LY6G6F: variants seen among roughly 807,000 people sequenced by gnomAD.
LY6G6F encodes the protein lymphocyte antigen 6 family member G6F, also known as lymphocyte antigen 6 complex locus protein G6f.
LY6G6F carries 26 observed loss-of-function variants against 33.0 expected under a neutral mutation model. The ratio of observed to expected loss-of-function variants is 0.79; its 90% CI spans 0.58 to 1.09. The LOEUF (loss-of-function observed/expected upper bound fraction) is 1.09, where lower values mean the gene tolerates loss of function less well. LY6G6F is among the 50% of genes least tolerant of loss of function. The pLI is 0.00. For synonymous variants in LY6G6F, 132 were observed against 148.1 expected, an observed-to-expected ratio of 0.89 and a Z score of 0.79; for missense variants, 317 against 372.0, an observed-to-expected ratio of 0.85 and a Z score of 1.22.
At chr6:31,709,935 C>T in intron 3 of LY6G6F, 91 bp from the exon 4 acceptor site, 2 of 1,337,096 alleles carry the variant, frequency 1.5e-6, no homozygotes, top group South Asian at 2.8e-5. Flanking sequence ...AAGAGCCCAC[C>T]AGACTGTGGA....
Position 31,707,534 on chromosome 6 carries a change from G to T in LY6G6F, c.129G>T (p.Gly43=). The change falls in exon 2 of 6, where the codon GGG becomes GGT. Residue 43 remains glycine (G), a synonymous_variant. Coordinates refer to ENST00000375832, the MANE Select transcript of LY6G6F (RefSeq NM_001003693.3). The surrounding 1 kb of genome is among the most constrained non-coding windows in gnomAD (Gnocchi z 4.1). ...LPCPSPPTLH[G]DEHLSWFCSP... is the part of the protein sequence containing the mutation. ...GTCCCTCACCACCTACTCTACATGG[G>T]GACGAACACCTGTCATGGTTCTGCA... 6.2e-7 allele frequency: 1 copy of T among 1,614,136 alleles called. No homozygotes were observed. Among genetic ancestry groups the T allele is most frequent in the Non-Finnish European group, 8.5e-7 (1 of 1,180,000 alleles).
chr6:31,709,505 G>A (rs1473699821), intron 3 of LY6G6F, among the ~76,000 whole-genome samples: 1 of 151,896 alleles, frequency 6.6e-6, no homozygotes, highest in Non-Finnish European at 1.5e-5. Flanking sequence ...TGATCTGCCC[G>A]CCTTGGTCTC....
chr6:31,708,201 AGGCGCC>A, intron 3 of LY6G6F, 67 bp downstream of exon 3: 1 of 1,494,622 alleles, frequency 6.7e-7, no homozygotes. Context: ...CTGGAATTAC[AGGCGCC>A]CGCCACCATG....
intron 3 of LY6G6F, 52 bp from the exon 4 acceptor site, chr6:31,709,974 C>T (rs1054804097): frequency 6.4e-7 from 1 of 1,562,844 alleles, no homozygotes; most frequent in Admixed American, 1.8e-5. Flanking sequence ...GGCACAGGGA[C>T]AGGGCCCCTC....
At position 31,708,128 on chromosome 6, in the gene LY6G6F, C is replaced by G; in HGVS notation, c.640C>G (p.Leu214Val). The G allele has an allele frequency of 6.5e-7, 1 of 1,539,986 alleles. No homozygotes were observed. The highest frequency in any genetic ancestry group is 8.7e-7 in the Non-Finnish European group (1 of 1,143,142). ...MTHNKGVSFS[L>V]AASIDASPAL... Reference sequence around the variant, plus strand: ...TCACAACAAAGGGGTCAGCTTTAGCCTGGCAGGTAAACTGAGGAAGGAGAC... The same window carrying G: ...TCACAACAAAGGGGTCAGCTTTAGCGTGGCAGGTAAACTGAGGAAGGAGAC... The change falls in exon 3 of 6, where the codon CTG becomes GTG. Residue 214 changes from leucine (L) to valine (V), a missense_variant. By Grantham distance (32) the Leu-to-Val change is conservative. Transcript: ENST00000375832.
rs780044897 is a variant in LY6G6F at position 31,707,604 on chromosome 6, G to C, written c.199G>C (p.Val67Leu). ...SFTTLVAQVQVGRPAPDPGKP... is the reference protein window; with the variant it reads ...SFTTLVAQVQLGRPAPDPGKP... ...CACCACCCTGGTAGCCCAAGTCCAA[G>C]TGGGCAGGCCAGCCCCAGACCCTGG... Residue 67 changes from valine (V) to leucine (L), a missense_variant, in exon 2 of 6, where the codon GTG becomes CTG. Physicochemically the swap from Val to Leu is conservative, Grantham distance 32 (BLOSUM62 1). Transcript: ENST00000375832. This position sits in a 1 kb window ranked among gnomAD's most constrained non-coding sequence, Gnocchi z 4.1. 1 of 1,613,938 alleles carries C rather than the reference G, an allele frequency of 6.2e-7. No homozygotes were observed. The highest frequency in any genetic ancestry group is 8.5e-7 in the Non-Finnish European group (1 of 1,179,910).
At chr6:31,709,914 TCTTCTG>T (rs1395584595) in intron 3 of LY6G6F, 106 bp from the exon 4 acceptor site, 17 of 1,114,368 alleles carry the variant, frequency 1.5e-5, no homozygotes, top group Non-Finnish European at 1.9e-5. Flanking sequence ...GCTTACAAAG[TCTTCTG>T]TTGGAAGAGC....
In LY6G6F at chr6:31,710,223, T is replaced by C. The variant is rs368692013; in HGVS notation, c.802+42T>C. 286 of 1,606,734 alleles carry C rather than the reference T, an allele frequency of 1.8e-4. No homozygotes were observed. Among genetic ancestry groups the C allele is most frequent in the Middle Eastern group, 6.6e-4 (4 of 6,038 alleles). ...CCGGGGAAAGAAGAGGGCACATGGGTGGGAGGCAAAGGGCTAGGCTCACAC... is the reference window on the plus strand; with the variant it reads ...CCGGGGAAAGAAGAGGGCACATGGGCGGGAGGCAAAGGGCTAGGCTCACAC... On this transcript the variant is annotated intron_variant, in intron 4 of 5. Transcript: ENST00000375832. This position sits in a 1 kb window ranked among gnomAD's most constrained non-coding sequence, Gnocchi z 4.7.
Position 31,707,471 on chromosome 6 carries a change from C to A in LY6G6F, c.66C>A (p.Ala22=), listed in dbSNP as rs1805693667. 1 of 1,613,912 alleles carries A rather than the reference C, an allele frequency of 6.2e-7. No individual in the cohort carries two copies. The highest frequency in any genetic ancestry group is 8.5e-7 in the Non-Finnish European group (1 of 1,179,842). The change falls in exon 2 of 6, where the codon GCC becomes GCA. Residue 22 remains alanine, a synonymous_variant. Transcript: ENST00000375832. The surrounding 1 kb of genome is among the most constrained non-coding windows in gnomAD (Gnocchi z 4.1). ...GTPQAADNMQ[A]IYVALGEAVE... ...CTCTTCCCACAGACAACATGCAGGC[C>A]ATCTATGTGGCCTTGGGGGAGGCAG...
chr6:31,709,258 GTT>G (rs777933922), intron 3 of LY6G6F, among the ~76,000 whole-genome samples: 2 of 133,620 alleles, frequency 1.5e-5, no homozygotes, highest in African/African-American at 2.7e-5. Flanking sequence ...GTGTGTGTGT[GTT>G]TTTTTTTGTT....
Position 31,710,085 on chromosome 6 carries a change from A to G in LY6G6F, c.706A>G (p.Ile236Val). The part of the protein sequence containing the change: ...APSTGWDMPW[I>V]LMLLLTMGQG... ...TTCCACGGGCTGGGACATGCCTTGG[A>G]TTCTGATGCTGCTGCTCACAATGGG... The change falls in exon 4 of 6, where the codon ATT becomes GTT. Residue 236 changes from isoleucine (I) to valine (V), a missense_variant. Physicochemically the swap from Ile to Val is conservative, Grantham distance 29. Transcript: ENST00000375832. The surrounding 1 kb of genome is among the most constrained non-coding windows in gnomAD (Gnocchi z 4.7). The G allele has an allele frequency of 6.2e-7, 1 of 1,612,848 alleles. No individual in the cohort carries two copies. The highest frequency in any genetic ancestry group is 8.5e-7 in the Non-Finnish European group (1 of 1,179,976).
In LY6G6F at chr6:31,706,943, A is replaced by G. The variant is rs750142477; in HGVS notation, c.37A>G (p.Thr13Ala). Residue 13 changes from threonine to alanine, a missense_variant, in exon 1 of 6, where the codon ACT becomes GCT. Transcript: ENST00000375832. ...VLFLLLFLCG[T>A]PQAADNMQAI... The stretch of plus-strand genomic sequence containing the variant: ...ATTCCTCCTCCTGTTCCTATGTGGA[A>G]CTCCCCAGGCTGCAGGTAAGGGGCA... 6.2e-7 allele frequency: 1 copy of G among 1,613,106 alleles called. No homozygotes were observed. The highest frequency in any genetic ancestry group is 8.5e-7 in the Non-Finnish European group (1 of 1,179,800).
At position 31,710,355 on chromosome 6, in the gene LY6G6F, C is replaced by A; in HGVS notation, c.806C>A (p.Ala269Asp). 1 of 1,614,030 alleles carries A rather than the reference C, an allele frequency of 6.2e-7. No homozygotes were observed. ...CCTGATGGCTCCTTCTCCCCAGATG[C>A]CTCGATTCCTCAGTTCAAACCCGAA... Reference protein sequence around the residue: ...QRVRGAPGRDASIPQFKPEIQ... With the variant: ...QRVRGAPGRDDSIPQFKPEIQ... Residue 269 changes from alanine (A) to aspartate (D), a missense_variant, in exon 5 of 6, where the codon GCC becomes GAC. Coordinates refer to ENST00000375832, the MANE Select transcript of LY6G6F (RefSeq NM_001003693.3). This position sits in a 1 kb window ranked among gnomAD's most constrained non-coding sequence, Gnocchi z 4.7.
intron 3 of LY6G6F, 34 bp from the exon 4 acceptor site, chr6:31,709,992 C>G (rs759453055): frequency 6.3e-6 from 10 of 1,590,194 alleles, no homozygotes; most frequent in Non-Finnish European, 7.7e-6. Flanking sequence ...CTCACTACCT[C>G]CCTCCCATCC....
rs188167860 is a variant in LY6G6F, at chr6:31,710,215, C to A, written c.802+34C>A. 1,041 of 1,607,568 alleles carry A rather than the reference C, an allele frequency of 6.5e-4. 4 individuals carry two copies. In the African/African-American group the frequency reaches 0.011, roughly 17 times the overall value. On this transcript the variant is annotated intron_variant, in intron 4 of 5. Coordinates refer to ENST00000375832, the MANE Select transcript of LY6G6F (RefSeq NM_001003693.3). This position sits in a 1 kb window ranked among gnomAD's most constrained non-coding sequence, Gnocchi z 4.7. ...CTCCCTCCCCGGGGAAAGAAGAGGG[C>A]ACATGGGTGGGAGGCAAAGGGCTAG...
intron 1 of LY6G6F, 31 bp downstream of exon 1, chr6:31,706,989 C>T (rs745945829): frequency 6.2e-7 from 1 of 1,608,638 alleles, no homozygotes; most frequent in Non-Finnish European, 8.5e-7. Context: ...GATTCCTTAG[C>T]TATTTGCAAG....
chr6:31,709,064 CTTT>C (rs71552074), intron 3 of LY6G6F, among the ~76,000 whole-genome samples: 1 of 52,174 alleles, frequency 1.9e-5, no homozygotes, highest in Non-Finnish European at 3.3e-5. Context: ...CACGCCTGGC[CTTT>C]TTTTTTTTTT....
At chr6:31,709,600 G>A (rs1261146323) in intron 3 of LY6G6F, among the ~76,000 whole-genome samples, 2 of 151,786 alleles carry the variant, frequency 1.3e-5, no homozygotes, top group African/African-American at 4.8e-5. Flanking sequence ...CACCATGTTG[G>A]TCAGGCTGGT....
At position 31,710,026 on chromosome 6, in the gene LY6G6F, C is replaced by G. The variant is rs762766883; in HGVS notation, c.647C>G (p.Ala216Gly). ...HNKGVSFSLA[A>G]SIDASPALCA... ...CCCTCTGGTCTGGCCCTTACTACAG[C>G]CTCCATCGATGCTTCTCCTGCCCTC... The change falls in exon 4 of 6, where the codon GCC becomes GGC. Residue 216 changes from alanine to glycine, a missense_variant and splice_region_variant. Physicochemically the swap from Ala to Gly is moderately conservative, Grantham distance 60. Transcript: ENST00000375832. This position sits in a 1 kb window ranked among gnomAD's most constrained non-coding sequence, Gnocchi z 4.7. The G allele has an allele frequency of 2.5e-6, 4 of 1,611,230 alleles. No individual in the cohort carries two copies. The South Asian group carries it at 4.4e-5, about 18-fold the overall frequency.
Sources: gnomAD v4.1 joint callset for allele counts (sites outside exome capture counted in the v4.1 genomes callset) on GRCh38, gnomAD v4.1.1 for gene constraint, Gnocchi (gnomAD v3.1) non-coding constraint, MANE v1.5 for transcripts, NCBI Gene and HGNC (gene_info 2026-07-23, HGNC 2026-07-21) for gene names.